Variants in LEF1 observed in about 807,000 individuals in gnomAD.
The protein encoded by LEF1 is lymphoid enhancer-binding factor 1.
Under a neutral mutation model 51.2 loss-of-function variants are expected in LEF1, and 14 were observed. The observed-to-expected ratio is 0.27, with a 90% CI of 0.18 to 0.43. LEF1 has a LOEUF of 0.43. LEF1 is among the 20% of genes least tolerant of loss of function. LEF1 has a pLI of 1.00. For missense variants in LEF1, 386 were observed against 512.0 expected (o/e 0.75, Z 2.37); for synonymous variants, 185 against 183.2 (o/e 1.01, Z -0.08).
chr4:108,149,331 C>A (rs556471459), intron 3 of LEF1, among the ~76,000 whole-genome samples: 1 of 149,570 alleles, frequency 6.7e-6, no homozygotes, highest in Non-Finnish European at 1.5e-5. Context: ...TGGTGGCGGG[C>A]GCCTGTGGTC....
chr4:108,133,741 A>C (rs1352013008), intron 3 of LEF1, among the ~76,000 whole-genome samples: 3 of 152,168 alleles, frequency 2.0e-5, no homozygotes, highest in African/African-American at 7.2e-5. Flanking sequence ...CCTACTCAAT[A>C]AACTCCTTTG....
chr4:108,060,157 G>A (rs1382706321), intron 11 of LEF1, among the ~76,000 whole-genome samples: 1 of 152,160 alleles, frequency 6.6e-6, no homozygotes, highest in Non-Finnish European at 1.5e-5. Flanking sequence ...TCCTGGGGAG[G>A]AAGGAGGGAC....
Position 108,167,904 on chromosome 4 carries a change from G to C in LEF1, c.-137C>G. ...CAGCAGGACAGCGGGCGGAAGCGGG[G>C]CGGGCGAGCGCGGGGCCGCCGGCCG... On this transcript the variant is annotated 5_prime_UTR_variant, in exon 1 of 12. Coordinates refer to ENST00000265165, the MANE Select transcript of LEF1 (RefSeq NM_016269.5). This position sits in a 1 kb window ranked among gnomAD's most constrained non-coding sequence, Gnocchi z 5.7. 3 of 549,264 alleles carry C rather than the reference G, an allele frequency of 5.5e-6. No homozygotes were observed. Among genetic ancestry groups the C allele is most frequent in the Non-Finnish European group, 8.3e-6 (3 of 362,880 alleles). 34.0% of individuals were successfully genotyped at this position (549,264 alleles called of 1,614,324 possible). A position where few individuals can be genotyped will look rare whatever the true frequency, so the allele number is the denominator to read the frequency against.
chr4:108,088,447 G>C (rs747834159), intron 4 of LEF1, among the ~76,000 whole-genome samples: 5 of 152,200 alleles, frequency 3.3e-5, no homozygotes, highest in Admixed American at 1.3e-4. Flanking sequence ...TGAGTGATGG[G>C]ACCAGAAGGC....
chr4:108,135,169 G>A (rs150455633), intron 3 of LEF1, among the ~76,000 whole-genome samples: 19 of 152,244 alleles, frequency 1.2e-4, no homozygotes, highest in African/African-American at 4.1e-4. Flanking sequence ...GTGTCAAGAC[G>A]CTATTAAGAC....
At chr4:108,072,652 A>T (rs1333327597) in intron 8 of LEF1, among the ~76,000 whole-genome samples, 1 of 152,228 alleles carries the variant, frequency 6.6e-6, no homozygotes, top group African/African-American at 2.4e-5. Context: ...GGTGCCAGGA[A>T]AACAAAACAA....
chr4:108,107,295 A>C (rs1179577161), intron 3 of LEF1, among the ~76,000 whole-genome samples: 1 of 151,394 alleles, frequency 6.6e-6, no homozygotes, highest in African/African-American at 2.4e-5. Flanking sequence ...TTTGGTAAAG[A>C]TCACACAGAT....
intron 11 of LEF1, among the ~76,000 whole-genome samples, chr4:108,050,226 T>C (rs1277019647): frequency 6.6e-6 from 1 of 152,242 alleles, no homozygotes; most frequent in East Asian, 1.9e-4. Flanking sequence ...CCATTCCCTG[T>C]TTAACAGGAA....
intron 9 of LEF1, among the ~76,000 whole-genome samples, chr4:108,067,764 A>C (rs937103053): frequency 6.6e-6 from 1 of 151,874 alleles, no homozygotes. Flanking sequence ...GCCTGACCTC[A>C]AGTTATCTGC....
intron 3 of LEF1, among the ~76,000 whole-genome samples, chr4:108,127,195 T>C (rs1412024509): frequency 6.6e-6 from 1 of 152,234 alleles, no homozygotes; most frequent in Non-Finnish European, 1.5e-5. Flanking sequence ...ATGCTAAAAC[T>C]GGGGAGAGGC....
chr4:108,050,458 G>T (rs1736905480), intron 11 of LEF1, among the ~76,000 whole-genome samples: 1 of 152,074 alleles, frequency 6.6e-6, no homozygotes, highest in African/African-American at 2.4e-5. Flanking sequence ...GCTGTGCCAG[G>T]CCCACAGAGG....
At chr4:108,065,471 C>A (rs750104330) in intron 9 of LEF1, among the ~76,000 whole-genome samples, 31 of 152,196 alleles carry the variant, frequency 2.0e-4, no homozygotes, top group Non-Finnish European at 2.9e-4. Flanking sequence ...GCCTGGGCCA[C>A]AGAGTGAGAC....
intron 3 of LEF1, among the ~76,000 whole-genome samples, chr4:108,138,206 T>C (rs1743418962): frequency 6.6e-6 from 1 of 152,112 alleles, no homozygotes; most frequent in East Asian, 1.9e-4. Context: ...ATGTATAAAA[T>C]AAATAGATGA....
At chr4:108,107,769 C>T (rs114748567) in intron 3 of LEF1, among the ~76,000 whole-genome samples, 1,589 of 152,184 alleles carry the variant, frequency 0.01, 8 homozygotes, top group African/African-American at 0.016. Flanking sequence ...AGTCCAATTT[C>T]ACTCTTCACC....
intron 3 of LEF1, among the ~76,000 whole-genome samples, chr4:108,109,553 T>C (rs1038826391): frequency 1.3e-5 from 2 of 152,224 alleles, no homozygotes; most frequent in African/African-American, 2.4e-5. Context: ...GAGCAGGACA[T>C]GCATTAATAT....
At chr4:108,104,733 T>C (rs986012752) in intron 3 of LEF1, 8 of 974,786 alleles carry the variant, frequency 8.2e-6, no homozygotes, top group East Asian at 2.3e-4. Context: ...TATCTCCCCA[T>C]GATGGCAAAA....
intron 3 of LEF1, among the ~76,000 whole-genome samples, chr4:108,099,550 G>GCATA (rs1263620618): frequency 0.067 from 2,983 of 44,676 alleles, 292 homozygotes; most frequent in African/African-American, 0.15. Context: ...ATATGTGTGT[G>GCATA]TGTGTATGTG....
intron 3 of LEF1, among the ~76,000 whole-genome samples, chr4:108,135,928 G>A (rs971071548): frequency 3.9e-5 from 6 of 152,072 alleles, no homozygotes; most frequent in African/African-American, 1.4e-4. Context: ...AATGTGAACT[G>A]TACAAACAGT....
chr4:108,099,534 A>ATATG lies in LEF1; in HGVS notation c.415-10278_415-10277insCATA, dbSNP rs1553953037. On this transcript the variant is annotated intron_variant, in intron 3 of 11. Coordinates refer to ENST00000265165, the MANE Select transcript of LEF1 (RefSeq NM_016269.5). ...TATGTGTATGTATATATATATATAT[A>ATATG]TGTGTATATGTGTGTGTGTGTATGT... is the stretch of plus-strand genomic sequence containing the variant. 1.2e-4 allele frequency among the ~76,000 whole-genome samples: 14 copies of ATATG among 114,900 alleles called. 1 individual carries two copies. In the East Asian group the frequency reaches 3.8e-3, roughly 31 times the overall value. The allele number at this position is 114,900 out of a possible 152,430, so 75.4% of individuals were successfully genotyped here.
Sources: allele counts gnomAD v4.1 joint callset (sites outside exome capture counted in the v4.1 genomes callset), GRCh38; gene constraint gnomAD v4.1.1; non-coding constraint Gnocchi (gnomAD v3.1); transcripts MANE v1.5; gene names NCBI Gene and HGNC (gene_info 2026-07-23, HGNC 2026-07-21).